The following EYA4 variants were observed in gnomAD, a reference collection of about 807,000 sequenced individuals.
The protein encoded by EYA4 is protein phosphatase EYA4.
In EYA4, 31 loss-of-function variants were observed where a neutral mutation model predicts 87.9. The observed-to-expected ratio is 0.35, with a 90% CI of 0.27 to 0.48. The LOEUF (loss-of-function observed/expected upper bound fraction) is 0.48, where lower values mean the gene tolerates loss of function less well. Among genes scored for constraint, EYA4 ranks in the 20% least tolerant of loss-of-function variants. The pLI is 0.99. For missense variants in EYA4, 678 were observed against 761.4 expected (o/e 0.89, Z 1.29); for synonymous variants, 263 against 270.6 (o/e 0.97, Z 0.28).
intron 19 of EYA4, among the ~76,000 whole-genome samples, chr6:133,527,835 A>G (rs1463081717): frequency 6.6e-6 from 1 of 152,212 alleles, no homozygotes; most frequent in African/African-American, 2.4e-5. Flanking sequence ...ATTCTAGAAG[A>G]TGTCATCAGC....
At chr6:133,491,467 G>A (rs1797144921) in intron 13 of EYA4, among the ~76,000 whole-genome samples, 1 of 152,118 alleles carries the variant, frequency 6.6e-6, no homozygotes, top group Non-Finnish European at 1.5e-5. Flanking sequence ...TGAAAAAGGA[G>A]ACGTTACAAC....
intron 3 of EYA4, among the ~76,000 whole-genome samples, chr6:133,432,079 C>A (rs1791234607): frequency 6.7e-6 from 1 of 150,096 alleles, no homozygotes; most frequent in Non-Finnish European, 1.5e-5. Flanking sequence ...GCATTGAATT[C>A]TCTTCAGTCA....
chr6:133,303,483 C>A (rs375391005), intron 2 of EYA4, among the ~76,000 whole-genome samples: 4 of 152,226 alleles, frequency 2.6e-5, no homozygotes, highest in African/African-American at 9.6e-5. Context: ...CCTGGAGAGA[C>A]CAAAGTTTAT....
chr6:133,370,023 G>A (rs2128461768), intron 2 of EYA4, among the ~76,000 whole-genome samples: 1 of 152,300 alleles, frequency 6.6e-6, no homozygotes, highest in Admixed American at 6.5e-5. Flanking sequence ...TTACTATCCA[G>A]GTCTCCTCCT....
Position 133,342,605 on chromosome 6 carries a change from A to ATATATC in EYA4, c.34-39787_34-39786insTATATC, listed in dbSNP as rs1485897156. Among the ~76,000 whole-genome samples the ATATATC allele has an allele frequency of 1.4e-3, 182 of 130,442 alleles. 4 individuals are homozygous for ATATATC. Among genetic ancestry groups the ATATATC allele is most frequent in the African/African-American group, 5.4e-3 (164 of 30,544 alleles). 85.6% of individuals were successfully genotyped at this position (130,442 alleles called of 152,430 possible). On this transcript the variant is annotated intron_variant, in intron 2 of 19. Transcript: ENST00000355286. ...TATATATATATATATATATATATAT[A>ATATATC]ATTCTTTATATTTCTCTGGGCTTAA...
At chr6:133,298,453 G>A (rs1233380661) in intron 2 of EYA4, among the ~76,000 whole-genome samples, 1 of 152,150 alleles carries the variant, frequency 6.6e-6, no homozygotes, top group Admixed American at 6.5e-5. Context: ...CTGTGTGTGT[G>A]TGTATGTATA....
chr6:133,432,519 G>C (rs1459597929), intron 3 of EYA4, among the ~76,000 whole-genome samples: 1 of 148,852 alleles, frequency 6.7e-6, no homozygotes, highest in Non-Finnish European at 1.5e-5. Flanking sequence ...AGACTATCAT[G>C]TTATAGTATC....
At chr6:133,502,960 T>C (rs961529666) in intron 13 of EYA4, among the ~76,000 whole-genome samples, 6 of 152,070 alleles carry the variant, frequency 3.9e-5, no homozygotes, top group African/African-American at 1.4e-4. Context: ...GCCAAAATGC[T>C]TACTAAGTCC....
At chr6:133,259,594 T>C (rs1775626907) in intron 1 of EYA4, among the ~76,000 whole-genome samples, 2 of 152,176 alleles carry the variant, frequency 1.3e-5, no homozygotes, top group African/African-American at 4.8e-5. Context: ...AAAATCTGGA[T>C]CAATAAAATT....
intron 3 of EYA4, among the ~76,000 whole-genome samples, chr6:133,390,709 A>G (rs1787186473): frequency 6.6e-6 from 1 of 152,224 alleles, no homozygotes; most frequent in South Asian, 2.1e-4. Flanking sequence ...TACATGTATC[A>G]TAGAGTAAAA....
chr6:133,392,069 A>T (rs576248911), intron 3 of EYA4, among the ~76,000 whole-genome samples: 1 of 152,262 alleles, frequency 6.6e-6, no homozygotes, highest in Non-Finnish European at 1.5e-5. Flanking sequence ...ACAGACCTTT[A>T]AGTGGAGTGG....
intron 2 of EYA4, among the ~76,000 whole-genome samples, chr6:133,343,368 G>C (rs1310994067): frequency 6.6e-6 from 1 of 152,112 alleles, no homozygotes; most frequent in Non-Finnish European, 1.5e-5. Flanking sequence ...TCCCCACCCT[G>C]TGCCATCCTT....
chr6:133,331,088 G>A (rs1349433647), intron 2 of EYA4, among the ~76,000 whole-genome samples: 4 of 127,828 alleles, frequency 3.1e-5, no homozygotes, highest in South Asian at 5.1e-4. Flanking sequence ...AATATATCCC[G>A]CCTCATACTT....
chr6:133,394,107 A>G (rs1787547943), intron 3 of EYA4, among the ~76,000 whole-genome samples: 1 of 152,106 alleles, frequency 6.6e-6, no homozygotes, highest in Non-Finnish European at 1.5e-5. Flanking sequence ...GTGTTTATGA[A>G]TTTCTATCAC....
intron 2 of EYA4, among the ~76,000 whole-genome samples, chr6:133,352,328 A>C (rs554882637): frequency 1.3e-5 from 2 of 151,952 alleles, no homozygotes; most frequent in African/African-American, 4.8e-5. Flanking sequence ...TTGACCAGTA[A>C]TATCTTGTTC....
chr6:133,370,606 T>C (rs1324267499), intron 2 of EYA4, among the ~76,000 whole-genome samples: 1 of 152,328 alleles, frequency 6.6e-6, no homozygotes, highest in South Asian at 2.1e-4. Context: ...GGTAACGTGA[T>C]AAGTGATAAT....
intron 13 of EYA4, among the ~76,000 whole-genome samples, chr6:133,495,167 G>A (rs909213473): frequency 6.6e-6 from 1 of 151,892 alleles, no homozygotes; most frequent in Admixed American, 6.6e-5. Flanking sequence ...TACTCAGGAG[G>A]CTGAGGCAGC....
intron 11 of EYA4, among the ~76,000 whole-genome samples, chr6:133,473,003 A>G (rs1361984502): frequency 6.6e-6 from 1 of 152,104 alleles, no homozygotes; most frequent in African/African-American, 2.4e-5. Context: ...GAAAATATTT[A>G]TAATACACAT....
intron 2 of EYA4, among the ~76,000 whole-genome samples, chr6:133,301,645 T>C (rs996029338): frequency 1.3e-5 from 2 of 152,240 alleles, no homozygotes; most frequent in African/African-American, 2.4e-5. Context: ...TTCTATTTTA[T>C]AGGGAAATTG....
Sources: gnomAD v4.1 joint callset for allele counts (sites outside exome capture counted in the v4.1 genomes callset) on GRCh38, gnomAD v4.1.1 for gene constraint, MANE v1.5 for transcripts, NCBI Gene and HGNC (gene_info 2026-07-23, HGNC 2026-07-21) for gene names.